The following PRUNE2 variants were observed in gnomAD, a reference collection of about 807,000 sequenced individuals.
PRUNE2 encodes prune homolog 2 with BCH domain.
Under a neutral mutation model 252.0 loss-of-function variants are expected in PRUNE2, and 164 were observed. That is an observed-to-expected ratio of 0.65 (90% confidence interval 0.57 to 0.74). PRUNE2 has a LOEUF of 0.74. Ranked by LOEUF, PRUNE2 falls within the 30% of genes least tolerant of loss-of-function variation. The pLI is 0.00. For synonymous variants in PRUNE2, 1,292 were observed against 1,350.2 expected (o/e 0.96, Z 0.94); for missense variants, 3,495 against 3,711.0 (o/e 0.94, Z 1.51).
intron 10 of PRUNE2, among the ~76,000 whole-genome samples, chr9:76,653,209 A>G (rs2133298071): frequency 1.3e-5 from 2 of 152,296 alleles, no homozygotes; most frequent in Middle Eastern, 3.4e-3. Context: ...TGCTATAATA[A>G]TTGAATTAAA....
At chr9:76,649,750 C>T (rs779504155) in intron 11 of PRUNE2, among the ~76,000 whole-genome samples, 1 of 152,090 alleles carries the variant, frequency 6.6e-6, no homozygotes, top group Non-Finnish European at 1.5e-5. Flanking sequence ...TCCATGGACA[C>T]AACTATTAAA....
At chr9:76,852,794 ATCTG>A (rs200744385) in intron 2 of PRUNE2, among the ~76,000 whole-genome samples, 1,458 of 99,650 alleles carry the variant, frequency 0.015, 19 homozygotes, top group African/African-American at 0.057. Context: ...TTATCTAGCC[ATCTG>A]TCTGTCTGTC....
intron 6 of PRUNE2, among the ~76,000 whole-genome samples, chr9:76,810,837 T>C (rs924162479): frequency 6.6e-6 from 1 of 152,258 alleles, no homozygotes; most frequent in African/African-American, 2.4e-5. Context: ...TGTAGTCCAC[T>C]GTTTCACTTT....
At chr9:76,816,815 G>T (rs2057724992) in intron 6 of PRUNE2, among the ~76,000 whole-genome samples, 1 of 152,132 alleles carries the variant, frequency 6.6e-6, no homozygotes, top group Non-Finnish European at 1.5e-5. Context: ...ATCACAGCAA[G>T]AAAAACCAGA....
intron 6 of PRUNE2, among the ~76,000 whole-genome samples, chr9:76,805,285 G>A (rs527243943): frequency 6.6e-6 from 1 of 152,296 alleles, no homozygotes; most frequent in Non-Finnish European, 1.5e-5. Flanking sequence ...AGTCAGCTCA[G>A]GCAAGACCAG....
At chr9:76,851,375 A>G (rs921364069) in intron 2 of PRUNE2, among the ~76,000 whole-genome samples, 30 of 152,210 alleles carry the variant, frequency 2.0e-4, no homozygotes, top group East Asian at 1.7e-3. Flanking sequence ...GTGAAACCCC[A>G]TCTCTACTAA....
At position 76,634,403 on chromosome 9, in the gene PRUNE2, G is replaced by A. The variant is rs370790791; in HGVS notation, c.9050+2068C>T. On this transcript the variant is annotated intron_variant, in intron 15 of 18. Coordinates refer to ENST00000376718, the MANE Select transcript of PRUNE2 (RefSeq NM_015225.3). The stretch of plus-strand genomic sequence containing the variant: ...AGTTTGAGTTCCTAGGTAGCTAACT[G>A]CAACCTAACATAGTATGTAAACAAA... Among the ~76,000 whole-genome samples the A allele has an allele frequency of 7.9e-5, 12 of 152,274 alleles. No individual in the cohort carries two copies. In the South Asian group the frequency reaches 2.5e-3, roughly 32 times the overall value.
chr9:76,718,992 AT>A (rs2047397783), intron 6 of PRUNE2, among the ~76,000 whole-genome samples: 1 of 152,110 alleles, frequency 6.6e-6, no homozygotes, highest in South Asian at 2.1e-4. Flanking sequence ...CACGTCTCTA[AT>A]ATCTCTTCAT....
intron 9 of PRUNE2, among the ~76,000 whole-genome samples, chr9:76,700,420 T>C (rs1325112595): frequency 2.0e-5 from 3 of 152,200 alleles, no homozygotes; most frequent in African/African-American, 7.2e-5. Context: ...AAACCACAGC[T>C]ATCTCATTGT....
chr9:76,630,547 CAG>C (rs1837111413), intron 15 of PRUNE2, among the ~76,000 whole-genome samples: 1 of 152,152 alleles, frequency 6.6e-6, no homozygotes, highest in Non-Finnish European at 1.5e-5. Context: ...CTTTTTGAGA[CAG>C]AGTCTCGCTC....
intron 6 of PRUNE2, among the ~76,000 whole-genome samples, chr9:76,754,328 C>T (rs532070157): frequency 1.4e-4 from 21 of 152,266 alleles, no homozygotes; most frequent in African/African-American, 5.1e-4. Flanking sequence ...GACTTCCCCT[C>T]CTTGATTTTG....
intron 6 of PRUNE2, among the ~76,000 whole-genome samples, chr9:76,806,823 C>T (rs2056978359): frequency 6.6e-6 from 1 of 151,882 alleles, no homozygotes; most frequent in African/African-American, 2.4e-5. Flanking sequence ...CGGCCTCAGG[C>T]ACCACTCTAA....
intron 9 of PRUNE2, among the ~76,000 whole-genome samples, chr9:76,671,607 T>A (rs1387240629): frequency 6.6e-6 from 1 of 152,068 alleles, no homozygotes; most frequent in African/African-American, 2.4e-5. Flanking sequence ...ATTGTCAGAT[T>A]CACCAAAGTT....
chr9:76,884,830 T>TA (rs2061993529), intron 1 of PRUNE2, among the ~76,000 whole-genome samples: 1 of 152,236 alleles, frequency 6.6e-6, no homozygotes, highest in African/African-American at 2.4e-5. Flanking sequence ...AAAGGCCAGT[T>TA]ATTTGCTAAG....
chr9:76,782,375 T>C (rs1013325800), intron 6 of PRUNE2, among the ~76,000 whole-genome samples: 1 of 152,132 alleles, frequency 6.6e-6, no homozygotes, highest in Non-Finnish European at 1.5e-5. Flanking sequence ...GAGAGGCAGG[T>C]CAGTGGAGTA....
intron 1 of PRUNE2, among the ~76,000 whole-genome samples, chr9:76,888,621 A>G (rs2062258369): frequency 6.6e-6 from 1 of 150,910 alleles, no homozygotes; most frequent in Non-Finnish European, 1.5e-5. Flanking sequence ...ATTTAGATAA[A>G]GAGAGAAAGA....
Position 76,706,555 on chromosome 9 carries a change from G to A in PRUNE2, c.5719C>T (p.Leu1907Phe). The change falls in exon 8 of 19, where the codon CTC becomes TTC. Residue 1907 changes from leucine (L) to phenylalanine (F), a missense_variant. Physicochemically the swap from Leu to Phe is conservative, Grantham distance 22 (BLOSUM62 0). Transcript: ENST00000376718. Reference protein sequence around the residue: ...EGNGKNSHEQLWNIQPRQPDP... With the variant: ...EGNGKNSHEQFWNIQPRQPDP... ...GGCTGCCTTGGTTGAATGTTCCAGA[G>A]TTGCTCATGGGAGTTCTTCCCATTA... 6.2e-7 allele frequency: 1 copy of A among 1,613,960 alleles called. No individual in the cohort carries two copies. The highest frequency in any genetic ancestry group is 8.5e-7 in the Non-Finnish European group (1 of 1,179,878).
At chr9:76,736,262 GA>G (rs1450525390) in intron 6 of PRUNE2, among the ~76,000 whole-genome samples, 9 of 151,566 alleles carry the variant, frequency 5.9e-5, no homozygotes, top group Admixed American at 4.6e-4. Context: ...GTGGGTGTGT[GA>G]AAAAAAACCA....
intron 5 of PRUNE2, among the ~76,000 whole-genome samples, chr9:76,825,696 C>A (rs1265452749): frequency 6.6e-6 from 1 of 152,220 alleles, no homozygotes. Context: ...CACCTGCAGA[C>A]TGGGACGTCA....
Sources: gnomAD v4.1 joint callset for allele counts (sites outside exome capture counted in the v4.1 genomes callset) on GRCh38, gnomAD v4.1.1 for gene constraint, MANE v1.5 for transcripts, NCBI Gene and HGNC (gene_info 2026-07-23, HGNC 2026-07-21) for gene names.